Variants in UGGT1 observed in about 807,000 individuals in gnomAD.
UGGT1 encodes the protein UDP-glucose:glycoprotein glucosyltransferase 1.
Under a neutral mutation model 203.9 loss-of-function variants are expected in UGGT1, and 107 were observed. The observed-to-expected ratio is 0.52, with a 90% CI of 0.45 to 0.62. UGGT1 has a LOEUF of 0.62. Ranked by LOEUF, UGGT1 falls within the 20% of genes least tolerant of loss-of-function variation. UGGT1 has a pLI of 0.00. For synonymous variants in UGGT1, 628 were observed against 653.5 expected, an observed-to-expected ratio of 0.96 and a Z score of 0.59; for missense variants, 1,673 against 1,867.2, an observed-to-expected ratio of 0.90 and a Z score of 1.92.
chr2:128,122,602 C>A (rs981115752), intron 10 of UGGT1, among the ~76,000 whole-genome samples: 1 of 151,954 alleles, frequency 6.6e-6, no homozygotes, highest in African/African-American at 2.4e-5. Context: ...TATTGCTGCA[C>A]ATCTCATAAA....
chr2:128,162,216 GT>G (rs1181567317), intron 25 of UGGT1, among the ~76,000 whole-genome samples: 202 of 138,830 alleles, frequency 1.5e-3, no homozygotes, highest in Non-Finnish European at 1.4e-3. Flanking sequence ...TTTTAATTGC[GT>G]TTTTTTTTTT....
rs146939228 is a variant in UGGT1 at position 128,112,325 on chromosome 2, G to T, written c.522-759G>T. ...AATCCCAGCTACTGAGGAGGCTGAGGCAGGAGAATCACTTGAACCCAGGAG... is the reference window on the plus strand; with the variant it reads ...AATCCCAGCTACTGAGGAGGCTGAGTCAGGAGAATCACTTGAACCCAGGAG... On this transcript the variant is annotated intron_variant, in intron 5 of 40. Coordinates refer to ENST00000259253, the MANE Select transcript of UGGT1 (RefSeq NM_020120.4). Among the ~76,000 whole-genome samples the T allele has an allele frequency of 4.2e-4, 62 of 148,760 alleles. No homozygotes were observed. In the East Asian group the frequency reaches 0.01, roughly 24 times the overall value.
intron 11 of UGGT1, among the ~76,000 whole-genome samples, chr2:128,126,721 C>T (rs537578488): frequency 6.5e-4 from 65 of 100,742 alleles, no homozygotes; most frequent in African/African-American, 2.0e-3. Flanking sequence ...CTTGCTCTGT[C>T]GTTCAAGCTG....
chr2:128,172,771 A>G lies in UGGT1; in HGVS notation c.3294+9A>G, dbSNP rs569496438. 567 of 1,608,026 alleles carry G rather than the reference A, an allele frequency of 3.5e-4. 8 individuals are homozygous for G. The South Asian group carries it at 5.7e-3, about 16-fold the overall frequency. Reference sequence around the variant, plus strand: ...ATATTTATTTAGAAGAGGTAAGACCATATCTATTGCTTCCAAATACCTAAT... The same window carrying G: ...ATATTTATTTAGAAGAGGTAAGACCGTATCTATTGCTTCCAAATACCTAAT... On this transcript the variant is annotated intron_variant, in intron 29 of 40. Transcript: ENST00000259253.
At chr2:128,137,358 C>T (rs547683836) in intron 15 of UGGT1, among the ~76,000 whole-genome samples, 11 of 152,310 alleles carry the variant, frequency 7.2e-5, no homozygotes, top group Admixed American at 6.5e-5. Flanking sequence ...TTTGAGGCTG[C>T]AATGAGCTGA....
intron 19 of UGGT1, 24 bp downstream of exon 19, chr2:128,152,928 C>A (rs917617464): frequency 1.9e-6 from 3 of 1,606,930 alleles, no homozygotes; most frequent in Non-Finnish European, 2.5e-6. Flanking sequence ...CAGGAACAAC[C>A]TTATGCTTTT....
chr2:128,111,183 T>A (rs1004214300), intron 5 of UGGT1, among the ~76,000 whole-genome samples: 1 of 152,058 alleles, frequency 6.6e-6, no homozygotes, highest in Non-Finnish European at 1.5e-5. Context: ...TGAGACCCAG[T>A]TTCTCCAAAA....
chr2:128,116,026 T>G (rs1025830732), intron 7 of UGGT1, among the ~76,000 whole-genome samples: 2 of 152,154 alleles, frequency 1.3e-5, no homozygotes, highest in East Asian at 3.8e-4. Context: ...TTTCCAAAGT[T>G]TAAGGAAAAA....
At chr2:128,105,711 C>T (rs6430981) in intron 3 of UGGT1, among the ~76,000 whole-genome samples, 87,771 of 151,628 alleles carry the variant, frequency 0.58, 25,622 homozygotes, top group East Asian at 0.66. Context: ...GACGGGGTTT[C>T]GCCATGCTGG....
chr2:128,141,559 C>T (rs1036764321), intron 16 of UGGT1, among the ~76,000 whole-genome samples: 6 of 151,284 alleles, frequency 4.0e-5, no homozygotes, highest in Admixed American at 6.6e-5. Flanking sequence ...GAGCCAAGAT[C>T]GAGCCACTGC....
intron 37 of UGGT1, among the ~76,000 whole-genome samples, chr2:128,182,574 C>T (rs1691749943): frequency 6.6e-6 from 1 of 151,962 alleles, no homozygotes; most frequent in African/African-American, 2.4e-5. Context: ...TGGTGGGCGC[C>T]TGTAATCCCA....
intron 18 of UGGT1, 34 bp from the exon 19 acceptor site, chr2:128,152,750 C>T (rs60286050): frequency 1.6e-5 from 25 of 1,560,976 alleles, no homozygotes; most frequent in East Asian, 1.2e-4. Context: ...TTTGCTTTAC[C>T]CTCCCCCCTC....
intron 38 of UGGT1, among the ~76,000 whole-genome samples, chr2:128,185,960 C>A (rs1230887204): frequency 6.6e-6 from 1 of 152,006 alleles, no homozygotes; most frequent in Non-Finnish European, 1.5e-5. Context: ...GAAAAAATGT[C>A]GTCTATTTGG....
chr2:128,189,099 A>G (rs1440854114), intron 40 of UGGT1, among the ~76,000 whole-genome samples: 1 of 152,222 alleles, frequency 6.6e-6, no homozygotes, highest in East Asian at 1.9e-4. Context: ...GAAAACAGAC[A>G]TAGTGATAAT....
Position 128,129,980 on chromosome 2 carries a change from G to C in UGGT1, c.1377+801G>C, listed in dbSNP as rs141020853. Among the ~76,000 whole-genome samples the C allele has an allele frequency of 1.8e-3, 276 of 152,254 alleles. 1 individual carries two copies. The highest frequency in any genetic ancestry group is 5.1e-3 in the Admixed American group (78 of 15,302). On this transcript the variant is annotated intron_variant, in intron 13 of 40. Coordinates refer to ENST00000259253, the MANE Select transcript of UGGT1 (RefSeq NM_020120.4). Reference sequence around the variant, plus strand: ...TCTGTCAGAGAATGTGGGGAATAGGGCTGGGCTTGGTGGCTCGTGCCTGTA... The same window carrying C: ...TCTGTCAGAGAATGTGGGGAATAGGCCTGGGCTTGGTGGCTCGTGCCTGTA...
In UGGT1 at chr2:128,127,072, A is replaced by G. The variant is rs190746278; in HGVS notation, c.1135-289A>G. Reference sequence around the variant, plus strand: ...ATTCCTCTCTCTCGGAAGAAATTCCAGTTCACAATTGATACACCTTTCCAT... The same window carrying G: ...ATTCCTCTCTCTCGGAAGAAATTCCGGTTCACAATTGATACACCTTTCCAT... On this transcript the variant is annotated intron_variant, in intron 11 of 40. Coordinates refer to ENST00000259253, the MANE Select transcript of UGGT1 (RefSeq NM_020120.4). 8.5e-5 allele frequency among the ~76,000 whole-genome samples: 13 copies of G among 152,308 alleles called. No individual in the cohort carries two copies. In the East Asian group the frequency reaches 1.7e-3, roughly 20 times the overall value.
In UGGT1 at chr2:128,134,980, T is replaced by G. The variant is rs1273194087; in HGVS notation, c.1583+19T>G. The G allele has an allele frequency of 6.3e-7, 1 of 1,585,070 alleles. No individual in the cohort carries two copies. Among genetic ancestry groups the G allele is most frequent in the South Asian group, 1.1e-5 (1 of 90,400 alleles). On this transcript the variant is annotated intron_variant, in intron 15 of 40. Transcript: ENST00000259253. ...CACTAAGGTAACACTGGTATTGATT[T>G]GATGATGTATCTAATTTAGCTGAGG...
Position 128,173,935 on chromosome 2 carries a change from A to T in UGGT1, c.3449A>T (p.Asn1150Ile). 6.2e-7 allele frequency: 1 copy of T among 1,614,048 alleles called. No homozygotes were observed. Among genetic ancestry groups the T allele is most frequent in the Non-Finnish European group, 8.5e-7 (1 of 1,179,988 alleles). Residue 1150 changes from asparagine (N) to isoleucine (I), a missense_variant, in exon 30 of 41, where the codon AAT becomes ATT. By Grantham distance (149) the Asn-to-Ile change is moderately radical (BLOSUM62 -3). This residue lies in a region of UGGT1 where 513 missense variants were observed against 684.1 expected (regional missense o/e 0.75). Transcript: ENST00000259253. Reference protein sequence around the residue: ...PVIVDTIVMANLGYFQLKANP... With the variant: ...PVIVDTIVMAILGYFQLKANP... ...ATTGTGGACACCATTGTTATGGCCAATCTGGTAAATAATCTGTTCATCAGA... is the reference window on the plus strand; with the variant it reads ...ATTGTGGACACCATTGTTATGGCCATTCTGGTAAATAATCTGTTCATCAGA...
chr2:128,104,847 A>G (rs895723928), intron 3 of UGGT1, among the ~76,000 whole-genome samples: 13 of 152,070 alleles, frequency 8.5e-5, no homozygotes, highest in Admixed American at 2.6e-4. Context: ...GGGTTTCCCC[A>G]TGTTGGCCAG....
Sources: gnomAD v4.1 joint callset for allele counts (sites outside exome capture counted in the v4.1 genomes callset) on GRCh38, gnomAD v4.1.1 for gene constraint, gnomAD v4.1.1 regional missense constraint, MANE v1.5 for transcripts, NCBI Gene and HGNC (gene_info 2026-07-23, HGNC 2026-07-21) for gene names.